PRPH2: variants seen among roughly 807,000 people sequenced by gnomAD.
The protein encoded by PRPH2 is peripherin-2.
Under a neutral mutation model 31.3 loss-of-function variants are expected in PRPH2, and 17 were observed. The ratio of observed to expected loss-of-function variants is 0.54; its 90% CI spans 0.37 to 0.81. The LOEUF (loss-of-function observed/expected upper bound fraction) is 0.81. PRPH2 is among the 40% of genes least tolerant of loss of function. The pLI is 0.00. For missense variants in PRPH2, 430 were observed against 439.7 expected, an observed-to-expected ratio of 0.98 and a Z score of 0.20; for synonymous variants, 165 against 184.4, an observed-to-expected ratio of 0.89 and a Z score of 0.85.
At chr6:42,713,805 A>G (rs548306517) in intron 1 of PRPH2, among the ~76,000 whole-genome samples, 5 of 151,406 alleles carry the variant, frequency 3.3e-5, no homozygotes, top group African/African-American at 9.7e-5. Flanking sequence ...CTGTAATCCC[A>G]GCTACTCAGG....
At chr6:42,717,377 C>T (rs981255125) in intron 1 of PRPH2, among the ~76,000 whole-genome samples, 1 of 151,822 alleles carries the variant, frequency 6.6e-6, no homozygotes, top group African/African-American at 2.4e-5. Context: ...TGAGATCGCA[C>T]CATGGCACTC....
intron 1 of PRPH2, chr6:42,712,066 G>T: frequency 2.2e-5 from 14 of 640,118 alleles, no homozygotes; most frequent in Non-Finnish European, 2.7e-5. Context: ...ACCATACCTC[G>T]ACCCAGACTA....
At chr6:42,713,779 G>A (rs923592434) in intron 1 of PRPH2, among the ~76,000 whole-genome samples, 3 of 151,720 alleles carry the variant, frequency 2.0e-5, no homozygotes, top group African/African-American at 7.3e-5. Context: ...AATTAGCTGG[G>A]CGTGATGGTG....
chr6:42,716,385 C>A (rs1425090646), intron 1 of PRPH2, among the ~76,000 whole-genome samples: 2 of 148,424 alleles, frequency 1.3e-5, no homozygotes, highest in African/African-American at 2.5e-5. Context: ...CAGAGTAAGA[C>A]CCTATCTCTA....
chr6:42,722,358 G>A lies in PRPH2; in HGVS notation c.-24C>T. ...ATGCTTGCCAAGTGTAGTCCGGGTTGCTTCCCACAGCACAGCTCCCACCCC... is the reference window on the plus strand; with the variant it reads ...ATGCTTGCCAAGTGTAGTCCGGGTTACTTCCCACAGCACAGCTCCCACCCC... On this transcript the variant is annotated 5_prime_UTR_variant, in exon 1 of 3. Transcript: ENST00000230381. This position sits in a 1 kb window ranked among gnomAD's most constrained non-coding sequence, Gnocchi z 4.4. 1 of 1,611,708 alleles carries A rather than the reference G, an allele frequency of 6.2e-7. No homozygotes were observed.
intron 2 of PRPH2, 71 bp from the exon 3 acceptor site, chr6:42,698,578 A>G (rs1287533165): frequency 3.8e-5 from 60 of 1,593,238 alleles, no homozygotes; most frequent in Non-Finnish European, 4.6e-5. Flanking sequence ...AGGAAACCAC[A>G]GGAGCCTCAA....
At chr6:42,700,794 C>T (rs438995) in intron 2 of PRPH2, among the ~76,000 whole-genome samples, 116,360 of 151,924 alleles carry the variant, frequency 0.77, 44,684 homozygotes, top group East Asian at 0.86. Context: ...GATCAGACTC[C>T]TAACATTATG....
chr6:42,705,867 G>A (rs1415583816), intron 1 of PRPH2, among the ~76,000 whole-genome samples: 2 of 149,720 alleles, frequency 1.3e-5, no homozygotes, highest in Non-Finnish European at 3.0e-5. Context: ...GCTGAGGCAC[G>A]AGAATCACTT....
At chr6:42,713,252 A>G (rs6458301) in intron 1 of PRPH2, among the ~76,000 whole-genome samples, 85,989 of 151,484 alleles carry the variant, frequency 0.57, 24,371 homozygotes, top group Middle Eastern at 0.64. Context: ...AAGAACTACA[A>G]ATCTCTTTCA....
chr6:42,715,208 C>CA (rs900863096), intron 1 of PRPH2, among the ~76,000 whole-genome samples: 1 of 151,576 alleles, frequency 6.6e-6, no homozygotes, highest in Admixed American at 6.6e-5. Context: ...GACTCTGTCT[C>CA]AAAAAAACAA....
chr6:42,704,109 AAAAAAT>A (rs1562422919), intron 2 of PRPH2, among the ~76,000 whole-genome samples: 1 of 136,892 alleles, frequency 7.3e-6, no homozygotes, highest in Non-Finnish European at 1.6e-5. Context: ...CAAAATAAAA[AAAAAAT>A]AAAAAAAATA....
intron 1 of PRPH2, among the ~76,000 whole-genome samples, chr6:42,720,464 C>G (rs527694160): frequency 1.3e-5 from 2 of 152,246 alleles, no homozygotes; most frequent in Admixed American, 6.5e-5. Flanking sequence ...GACCTGTCAC[C>G]TGGGAAGGGC....
Position 42,716,417 on chromosome 6 carries a change from A to AT in PRPH2, c.581+5336dup, listed in dbSNP as rs956752770. On this transcript the variant is annotated intron_variant, in intron 1 of 2. Coordinates refer to ENST00000230381, the MANE Select transcript of PRPH2 (RefSeq NM_000322.5). The stretch of plus-strand genomic sequence containing the variant: ...TCTATTTTTTTTTTTTAAGAAAAGA[A>AT]TTTTTTTTCTTTTTTTTAAGGCAGG... 5.9e-4 allele frequency among the ~76,000 whole-genome samples: 89 copies of AT among 150,250 alleles called. 1 individual carries two copies. Among genetic ancestry groups the AT allele is most frequent in the Non-Finnish European group, 1.1e-3 (72 of 67,486 alleles).
chr6:42,699,912 C>T (rs1224092123), intron 2 of PRPH2, among the ~76,000 whole-genome samples: 1 of 151,300 alleles, frequency 6.6e-6, no homozygotes, highest in African/African-American at 2.4e-5. Context: ...TAAGGACCAA[C>T]AGAAGAGCAG....
chr6:42,698,490 C>T lies in PRPH2; in HGVS notation c.846G>A (p.Gly282=), dbSNP rs375325973. The change falls in exon 3 of 3, where the codon GGG becomes GGA. Residue 282 remains glycine, a synonymous_variant. Transcript: ENST00000230381. ...IWLFEVTITI[G]LRYLQTSLDG... is the part of the protein sequence containing the mutation. ...CCAGCGACGTCTGTAGGTAGCGCAG[C>T]CCAATTGTAATGGTCACCTGGTGGT... 6 of 1,614,020 alleles carry T rather than the reference C, an allele frequency of 3.7e-6. No individual in the cohort carries two copies. The African/African-American group carries it at 8.0e-5, about 22-fold the overall frequency.
chr6:42,707,137 T>C (rs886812656), intron 1 of PRPH2, among the ~76,000 whole-genome samples: 7 of 152,088 alleles, frequency 4.6e-5, no homozygotes, highest in African/African-American at 1.7e-4. Flanking sequence ...TGATCTCGAG[T>C]GATCCACCTG....
intron 1 of PRPH2, among the ~76,000 whole-genome samples, chr6:42,707,211 G>A (rs1049169096): frequency 2.6e-5 from 4 of 152,012 alleles, no homozygotes; most frequent in South Asian, 2.1e-4. Context: ...AGATATTTTC[G>A]TATCTGTCTG....
chr6:42,705,600 ATATATATATATATATAT>A (rs1180373903), intron 1 of PRPH2, among the ~76,000 whole-genome samples: 3 of 3,684 alleles, frequency 8.1e-4, no homozygotes, highest in East Asian at 6.8e-3. Context: ...AAAAAAAAAA[ATATATATATATATATAT>A]ATATATATAT....
rs749446571 is a variant in PRPH2 at position 42,704,543 on chromosome 6, C to G, written c.650G>C (p.Ser217Thr). 2 of 1,614,164 alleles carry G rather than the reference C, an allele frequency of 1.2e-6. No individual in the cohort carries two copies. The highest frequency in any genetic ancestry group is 1.3e-5 in the African/African-American group (1 of 75,040). ...ATACTGGATGCAGGGCCGTGGCGAG[C>G]TAGGATTGCAGCAGCTGAAAGGGAC... Reference protein sequence around the residue: ...DGVPFSCCNPSSPRPCIQYQI... With the variant: ...DGVPFSCCNPTSPRPCIQYQI... Residue 217 changes from serine to threonine, a missense_variant, in exon 2 of 3, where the codon AGC (serine) becomes ACC (threonine). Coordinates refer to ENST00000230381, the MANE Select transcript of PRPH2 (RefSeq NM_000322.5).
Sources: gnomAD v4.1 joint callset for allele counts (sites outside exome capture counted in the v4.1 genomes callset) on GRCh38, gnomAD v4.1.1 for gene constraint, Gnocchi (gnomAD v3.1) non-coding constraint, MANE v1.5 for transcripts, NCBI Gene and HGNC (gene_info 2026-07-23, HGNC 2026-07-21) for gene names.